Variants in PRPF19 observed in about 807,000 individuals in gnomAD.
The protein encoded by PRPF19 is pre-mRNA processing factor 19.
Under a neutral mutation model 64.2 loss-of-function variants are expected in PRPF19, and 2 were observed. That is an observed-to-expected ratio of 0.03 (90% CI 0.01 to 0.10). The LOEUF is 0.10. PRPF19 is among the 10% of genes least tolerant of loss of function. PRPF19 has a pLI of 1.00. For missense variants in PRPF19, 314 were observed against 650.0 expected, an observed-to-expected ratio of 0.48 and a Z score of 5.62; for synonymous variants, 226 against 251.6, an observed-to-expected ratio of 0.90 and a Z score of 0.96.
At position 60,898,473 on chromosome 11, in the gene PRPF19, T is replaced by TTAGCCACAAGCTAATTA; in HGVS notation, c.1140+67_1140+68insTAATTAGCTTGTGGCTA. 1 of 1,610,768 alleles carries TTAGCCACAAGCTAATTA rather than the reference T, an allele frequency of 6.2e-7. No homozygotes were observed. Among genetic ancestry groups the TTAGCCACAAGCTAATTA allele is most frequent in the Non-Finnish European group, 8.5e-7 (1 of 1,178,428 alleles). ...AGGGCCAGGTGCCACAAGCACCTAATTAGCACTGCATTGTCACAAACACTC... is the reference window on the plus strand; with the variant it reads ...AGGGCCAGGTGCCACAAGCACCTAATTAGCCACAAGCTAATTATAGCACTGCATTGTCACAAACACTC... On this transcript the variant is annotated intron_variant, in intron 13 of 15. Coordinates refer to ENST00000227524, the MANE Select transcript of PRPF19 (RefSeq NM_014502.5). This position sits in a 1 kb window ranked among gnomAD's most constrained non-coding sequence, Gnocchi z 4.6.
chr11:60,902,840 C>A lies in PRPF19; in HGVS notation c.288G>T (p.Leu96=). The change falls in exon 4 of 16, where the codon CTG becomes CTT. Residue 96 remains leucine (L), a synonymous_variant. Coordinates refer to ENST00000227524, the MANE Select transcript of PRPF19 (RefSeq NM_014502.5). The surrounding 1 kb of genome is among the most constrained non-coding windows in gnomAD (Gnocchi z 5.0). The stretch of plus-strand genomic sequence containing the variant: ...GTGACAGCTCTTGGCGGGTTGTCTG[C>A]AGCTGCTGGCGCAGAGTGAAGCTGT... The part of the protein sequence containing the change: ...MLHSFTLRQQ[L]QTTRQELSHA... 1 of 1,613,994 alleles carries A rather than the reference C, an allele frequency of 6.2e-7. No individual in the cohort carries two copies. Among genetic ancestry groups the A allele is most frequent in the Non-Finnish European group, 8.5e-7 (1 of 1,179,960 alleles).
rs1565110274 is a variant in PRPF19 at position 60,898,003 on chromosome 11, G to A, written c.1312-52C>T. 1 of 1,607,664 alleles carries A rather than the reference G, an allele frequency of 6.2e-7. No individual in the cohort carries two copies. Among genetic ancestry groups the A allele is most frequent in the Non-Finnish European group, 8.5e-7 (1 of 1,175,000 alleles). On this transcript the variant is annotated intron_variant, in intron 14 of 15. Transcript: ENST00000227524. This position sits in a 1 kb window ranked among gnomAD's most constrained non-coding sequence, Gnocchi z 4.6. ...CACACAAGGGGAACAGAAACTATGG[G>A]GCAGTTGCGGATAAGCAGAAGCAAT...
rs1171462532 is a variant in PRPF19, at chr11:60,890,839, AG to A, written c.*326del. ...CTTGGCTCAGCCTCTCCTGTCTCAC[AG>A]GAACTGCAACAAAATGGGTGTGGAA... is the stretch of plus-strand genomic sequence containing the variant. On this transcript the variant is annotated 3_prime_UTR_variant, in exon 16 of 16. Transcript: ENST00000227524. The A allele has an allele frequency of 2.0e-6, 1 of 498,426 alleles. No homozygotes were observed. The highest frequency in any genetic ancestry group is 1.9e-5 in the African/African-American group (1 of 51,710). The allele number at this position is 498,426 out of a possible 1,614,324, so 30.9% of individuals were successfully genotyped here.
In PRPF19 at chr11:60,901,534, C is replaced by G; in HGVS notation, c.532G>C (p.Asp178His). Residue 178 changes from aspartate (D) to histidine (H), a missense_variant, in exon 7 of 16, where the codon GAC (aspartate) becomes CAC (histidine). Transcript: ENST00000227524. ...MTPEIIQKLQ[D>H]KATVLTTERK... ...TCCGTGGTTAGCACAGTGGCTTTGT[C>G]TTGAAGCTGGGGAAGAACAGGCTCA... 2 of 1,614,172 alleles carry G rather than the reference C, an allele frequency of 1.2e-6. No homozygotes were observed. The highest frequency in any genetic ancestry group is 1.7e-6 in the Non-Finnish European group (2 of 1,180,038).
At chr11:60,893,284 G>GT (rs1195902737) in intron 15 of PRPF19, among the ~76,000 whole-genome samples, 2 of 151,760 alleles carry the variant, frequency 1.3e-5, no homozygotes, top group East Asian at 1.9e-4. Context: ...GAGGTCAGGA[G>GT]TTTGAGATCA....
Position 60,902,293 on chromosome 11 carries a change from T to G in PRPF19, c.525+110A>C, listed in dbSNP as rs561183953. 1 of 1,233,696 alleles carries G rather than the reference T, an allele frequency of 8.1e-7. No homozygotes were observed. Among genetic ancestry groups the G allele is most frequent in the East Asian group, 2.4e-5 (1 of 42,110 alleles). 76.4% of individuals were successfully genotyped at this position (1,233,696 alleles called of 1,614,324 possible). A position where few individuals can be genotyped will look rare whatever the true frequency, so the allele number is the denominator to read the frequency against. Reference sequence around the variant, plus strand: ...CAATCTGGTCCCAGGGTCCATGCTCTGCACCACTCAACTCCCAAAAGCACA... The same window carrying G: ...CAATCTGGTCCCAGGGTCCATGCTCGGCACCACTCAACTCCCAAAAGCACA... On this transcript the variant is annotated intron_variant, in intron 6 of 15. Coordinates refer to ENST00000227524, the MANE Select transcript of PRPF19 (RefSeq NM_014502.5). The surrounding 1 kb of genome is among the most constrained non-coding windows in gnomAD (Gnocchi z 5.0).
intron 15 of PRPF19, among the ~76,000 whole-genome samples, chr11:60,894,943 A>T (rs1659405300): frequency 6.6e-6 from 1 of 152,236 alleles, no homozygotes; most frequent in African/African-American, 2.4e-5. Context: ...CTTAAAAAAT[A>T]TTCAGTAAAC....
chr11:60,903,054 A>G (rs1474850907), intron 3 of PRPF19, among the ~76,000 whole-genome samples, 173 bp from the exon 4 acceptor site: 3 of 151,906 alleles, frequency 2.0e-5, no homozygotes, highest in Non-Finnish European at 4.4e-5. Context: ...TTGAGCTCCT[A>G]CCCCAAGCGA....
chr11:60,896,965 TAA>T (rs1272997439), intron 15 of PRPF19, among the ~76,000 whole-genome samples: 4 of 152,234 alleles, frequency 2.6e-5, no homozygotes, highest in South Asian at 2.1e-4. Flanking sequence ...GTTTATAAAG[TAA>T]AAGTCAGCTA....
Position 60,898,063 on chromosome 11 carries a change from G to T in PRPF19, c.1311+38C>A. On this transcript the variant is annotated intron_variant, in intron 14 of 15. Coordinates refer to ENST00000227524, the MANE Select transcript of PRPF19 (RefSeq NM_014502.5). The surrounding 1 kb of genome is among the most constrained non-coding windows in gnomAD (Gnocchi z 4.6). ...TCAATAAATAATTGACAAACAAGGA[G>T]ACACAATGGAAAGCTGGGCGGAGGG... The T allele has an allele frequency of 6.2e-7, 1 of 1,609,270 alleles. No individual in the cohort carries two copies. The highest frequency in any genetic ancestry group is 1.1e-5 in the South Asian group (1 of 90,698).
intron 15 of PRPF19, among the ~76,000 whole-genome samples, chr11:60,896,224 T>TA (rs968042253): frequency 2.6e-5 from 4 of 151,980 alleles, no homozygotes; most frequent in African/African-American, 4.8e-5. Flanking sequence ...TTCCCACTTA[T>TA]AAAAAAAAGT....
At chr11:60,896,795 G>C (rs957775284) in intron 15 of PRPF19, among the ~76,000 whole-genome samples, 3 of 151,940 alleles carry the variant, frequency 2.0e-5, no homozygotes, top group African/African-American at 2.4e-5. Context: ...TTGTGTCTTA[G>C]TTTTTAACAA....
Position 60,898,491 on chromosome 11 carries a change from A to C in PRPF19, c.1140+50T>G. 1 of 1,613,252 alleles carries C rather than the reference A, an allele frequency of 6.2e-7. No individual in the cohort carries two copies. The highest frequency in any genetic ancestry group is 1.1e-5 in the South Asian group (1 of 90,604). On this transcript the variant is annotated intron_variant, in intron 13 of 15. Coordinates refer to ENST00000227524, the MANE Select transcript of PRPF19 (RefSeq NM_014502.5). This position sits in a 1 kb window ranked among gnomAD's most constrained non-coding sequence, Gnocchi z 4.6. Reference sequence around the variant, plus strand: ...CACCTAATTAGCACTGCATTGTCACAAACACTCCCTCTGGCCCTGGGCCTC... The same window carrying C: ...CACCTAATTAGCACTGCATTGTCACCAACACTCCCTCTGGCCCTGGGCCTC...
In PRPF19 at chr11:60,906,464, C is replaced by T; in HGVS notation, c.-82G>A. 1 of 1,438,806 alleles carries T rather than the reference C, an allele frequency of 7.0e-7. No homozygotes were observed. Among genetic ancestry groups the T allele is most frequent in the Middle Eastern group, 2.4e-4 (1 of 4,158 alleles). The allele number at this position is 1,438,806 out of a possible 1,614,324, so 89.1% of individuals were successfully genotyped here. A position where few individuals can be genotyped will look rare whatever the true frequency, so the allele number is the denominator to read the frequency against. The stretch of plus-strand genomic sequence containing the variant: ...GCCTCCGCGAGCCACTTCCGGTCCC[C>T]CGCTGCTGCCGGGACTGCTCCGCGG... On this transcript the variant is annotated 5_prime_UTR_variant, in exon 1 of 16. Coordinates refer to ENST00000227524, the MANE Select transcript of PRPF19 (RefSeq NM_014502.5).
At position 60,902,619 on chromosome 11, in the gene PRPF19, C is replaced by T; in HGVS notation, c.426G>A (p.Val142=). 6.2e-7 allele frequency: 1 copy of T among 1,614,136 alleles called. No homozygotes were observed. Among genetic ancestry groups the T allele is most frequent in the Non-Finnish European group, 8.5e-7 (1 of 1,180,000 alleles). Residue 142 remains valine (V), a synonymous_variant, in exon 5 of 16, where the codon GTG becomes GTA. Coordinates refer to ENST00000227524, the MANE Select transcript of PRPF19 (RefSeq NM_014502.5). The surrounding 1 kb of genome is among the most constrained non-coding windows in gnomAD (Gnocchi z 5.0). ...ATLKPQAGLI[V]PQAVPSSQPS... Reference sequence around the variant, plus strand: ...GTTGGGAACTTGGCACAGCCTGGGGCACAATGAGGCCAGCCTGTGGTTTCA... The same window carrying T: ...GTTGGGAACTTGGCACAGCCTGGGGTACAATGAGGCCAGCCTGTGGTTTCA...
rs147232138 is a variant in PRPF19, at chr11:60,900,183, G to A, written c.828+399C>T. ...TTTACAACCTACACCACTTTCAACA[G>A]TCAACATGATTTTTACCCATCTTGG... is the stretch of plus-strand genomic sequence containing the variant. On this transcript the variant is annotated intron_variant, in intron 10 of 15. Coordinates refer to ENST00000227524, the MANE Select transcript of PRPF19 (RefSeq NM_014502.5). 2.6e-5 allele frequency among the ~76,000 whole-genome samples: 4 copies of A among 152,296 alleles called. No individual in the cohort carries two copies. The East Asian group carries it at 7.7e-4, about 29-fold the overall frequency.
At chr11:60,901,422 C>A in intron 7 of PRPF19, 53 bp from the exon 8 acceptor site, 1 of 1,613,518 alleles carries the variant, frequency 6.2e-7, no homozygotes, top group Non-Finnish European at 8.5e-7. Context: ...CAAGATTCAG[C>A]CGCCCTCTCT....
At chr11:60,905,807 G>C (rs573373594) in intron 1 of PRPF19, among the ~76,000 whole-genome samples, 2 of 152,364 alleles carry the variant, frequency 1.3e-5, no homozygotes, top group East Asian at 3.9e-4. Context: ...ATAAATGTGC[G>C]CTGTTTTTAT....
intron 10 of PRPF19, among the ~76,000 whole-genome samples, chr11:60,900,235 G>C (rs1855968160): frequency 1.3e-5 from 2 of 152,180 alleles, no homozygotes; most frequent in African/African-American, 2.4e-5. Context: ...AGATATATCT[G>C]TCCTCCTCGT....
Sources: gnomAD v4.1 joint callset for allele counts (sites outside exome capture counted in the v4.1 genomes callset) on GRCh38, gnomAD v4.1.1 for gene constraint, Gnocchi (gnomAD v3.1) non-coding constraint, MANE v1.5 for transcripts, NCBI Gene and HGNC (gene_info 2026-07-23, HGNC 2026-07-21) for gene names.